Variants in WASHC1 observed in about 807,000 individuals in gnomAD.
WASHC1 encodes the protein CXYorf1-like protein on chromosome 9.
A neutral mutation model predicts 26.1 loss-of-function variants in WASHC1; 11 were observed. The observed-to-expected ratio is 0.42, with a 90% CI of 0.27 to 0.70. The LOEUF (loss-of-function observed/expected upper bound fraction) is 0.70. Among genes scored for constraint, WASHC1 ranks in the 30% least tolerant of loss-of-function variants. The probability of loss-of-function intolerance (pLI) is 0.24; values close to 1 mark genes in which losing one functional copy is unlikely to be tolerated. For synonymous variants in WASHC1, 37 were observed against 126.6 expected (o/e 0.29, Z 4.75); for missense variants, 96 against 304.9 (o/e 0.31, Z 5.10).
rs1156322904 is a variant in WASHC1, at chr9:14,541, G to C, written c.*266C>G. On this transcript the variant is annotated 3_prime_UTR_variant, in exon 11 of 11. Transcript: ENST00000442898. The stretch of plus-strand genomic sequence containing the variant: ...GTTTCTGCTCAGTTCTTTATTGATT[G>C]GTGTGCCGTTTTCTCTGGAAGCCTC... The C allele has an allele frequency of 5.5e-5, 33 of 598,486 alleles. No homozygotes were observed. The Middle Eastern group carries it at 1.4e-3, about 25-fold the overall frequency. 37.1% of individuals were successfully genotyped at this position (598,486 alleles called of 1,614,324 possible). A position where few individuals can be genotyped will look rare whatever the true frequency, so the allele number is the denominator to read the frequency against.
At chr9:14,834 CTCT>C in exon 11 of WASHC1, 1 of 1,503,472 alleles carries the variant, frequency 6.7e-7, no homozygotes, top group Non-Finnish European at 9.1e-7. Flanking sequence ...CCTCGTCCTC[CTCT>C]GCCTGTGGCT....
intron 1 of WASHC1, among the ~76,000 whole-genome samples, chr9:26,763 TA>T (rs1214338227): frequency 1.0e-4 from 1 of 9,582 alleles, no homozygotes; most frequent in East Asian, 4.9e-3. Context: ...GACACTACAC[TA>T]GCCAGGGAGA....
chr9:16,983 C>T (rs1816415401), exon 7 of WASHC1: 1 of 1,273,748 alleles, frequency 7.9e-7, no homozygotes, highest in South Asian at 1.3e-5. Flanking sequence ...AGAGGCTCGG[C>T]TACCTCAGTG....
At chr9:28,697 G>C (rs1476020019) in intron 1 of WASHC1, 1 of 101,938 alleles carries the variant, frequency 9.8e-6, no homozygotes, top group African/African-American at 4.5e-5. Flanking sequence ...CTTTAATAAT[G>C]GTGGGTTTTT....
chr9:28,724 A>C, intron 1 of WASHC1: 1 of 120,578 alleles, frequency 8.3e-6, no homozygotes, highest in Non-Finnish European at 1.7e-5. Context: ...TTTTGCATCT[A>C]TGAAGTTTTT....
At position 23,508 on chromosome 9, in the gene WASHC1, A is replaced by G. The variant is rs1262608641; in HGVS notation, c.149+1343T>C. On this transcript the variant is annotated intron_variant, in intron 2 of 10. Transcript: ENST00000442898. ...CTGGTTACTGAGACATTCTTGACAAACTCGGGGCAAGCCGGTGAGTCAGTG... is the reference window on the plus strand; with the variant it reads ...CTGGTTACTGAGACATTCTTGACAAGCTCGGGGCAAGCCGGTGAGTCAGTG... Among the ~76,000 whole-genome samples the G allele has an allele frequency of 4.4e-5, 5 of 114,928 alleles. 1 individual carries two copies. The East Asian group carries it at 1.1e-3, about 26-fold the overall frequency. The allele number at this position is 114,928 out of a possible 152,430, so 75.4% of individuals were successfully genotyped here. A position where few individuals can be genotyped will look rare whatever the true frequency, so the allele number is the denominator to read the frequency against.
At chr9:14,579 T>A in exon 11 of WASHC1, 1 of 728,130 alleles carries the variant, frequency 1.4e-6, no homozygotes, top group Non-Finnish European at 2.3e-6. Flanking sequence ...AAGAACACAG[T>A]GGCGCAGGCT....
chr9:17,889 T>C, intron 4 of WASHC1, 34 bp from the exon 5 acceptor site: 1 of 189,744 alleles, frequency 5.3e-6, no homozygotes, highest in African/African-American at 3.5e-4. Flanking sequence ...GGATGGTGAA[T>C]ATTTGGTGCT....
intron 7 of WASHC1, 42 bp from the exon 8 acceptor site, chr9:16,918 G>C (rs201794878): frequency 0.032 from 24,450 of 772,882 alleles, 442 homozygotes; most frequent in Non-Finnish European, 0.037. Flanking sequence ...GAAGGTGTGT[G>C]AGCAGGGAGG....
At chr9:20,663 A>G (rs1395126397) in intron 2 of WASHC1, among the ~76,000 whole-genome samples, 1 of 92,840 alleles carries the variant, frequency 1.1e-5, no homozygotes, top group Non-Finnish European at 1.9e-5. Flanking sequence ...ATTTACAAGG[A>G]AGAAATGTGA....
chr9:14,796 C>T (rs1207350055), exon 11 of WASHC1: 1 of 1,537,722 alleles, frequency 6.5e-7, no homozygotes, highest in Non-Finnish European at 8.9e-7. Context: ...GGGAAGGTGT[C>T]ATGGAGCCCC....
At chr9:17,134 C>A (rs1277503869) in exon 7 of WASHC1, 2 of 1,264,938 alleles carry the variant, frequency 1.6e-6, no homozygotes, top group Non-Finnish European at 2.1e-6. Flanking sequence ...GCACCTGGCC[C>A]AGGTCTGGCA....
chr9:29,647 T>C (rs1817611003), exon 1 of WASHC1: 4 of 149,850 alleles, frequency 2.7e-5, no homozygotes, highest in African/African-American at 1.0e-4. Context: ...GTGATCTGCT[T>C]AGTTCCCACC....
chr9:14,741 T>A (rs558641794), exon 11 of WASHC1: 183 of 1,446,626 alleles, frequency 1.3e-4, no homozygotes, highest in Middle Eastern at 7.5e-4. Context: ...CAGCTTGTCC[T>A]GGCTGTGTCC....
chr9:15,327 G>C (rs1401390536), intron 9 of WASHC1, among the ~76,000 whole-genome samples, 178 bp from the exon 10 acceptor site: 16 of 4,622 alleles, frequency 3.5e-3, no homozygotes, highest in African/African-American at 0.031. Flanking sequence ...GTGGCTGTTT[G>C]AGGAGCCACC....
chr9:22,277 T>C (rs1370584302), intron 2 of WASHC1, among the ~76,000 whole-genome samples: 5 of 146,432 alleles, frequency 3.4e-5, no homozygotes, highest in African/African-American at 1.4e-4. Context: ...GATGGGTGAG[T>C]GTGGCTTCTG....
exon 7 of WASHC1, chr9:17,052 G>C: frequency 6.7e-7 from 1 of 1,481,616 alleles, no homozygotes; most frequent in Non-Finnish European, 8.9e-7. Flanking sequence ...CCGGGGCCCA[G>C]GTCGGCACTG....
exon 11 of WASHC1, chr9:14,802 G>C (rs1816014479): frequency 6.5e-7 from 1 of 1,539,242 alleles, no homozygotes; most frequent in South Asian, 1.1e-5. Context: ...GTGTCATGGA[G>C]CCCCCTACGA....
chr9:14,768 C>A, exon 11 of WASHC1: 1 of 1,522,212 alleles, frequency 6.6e-7, no homozygotes, highest in South Asian at 1.1e-5. Flanking sequence ...GAGCAACGGC[C>A]CAAGTCTGGG....
Sources: allele counts gnomAD v4.1 joint callset (sites outside exome capture counted in the v4.1 genomes callset), GRCh38; gene constraint gnomAD v4.1.1; transcripts MANE v1.5; gene names NCBI Gene and HGNC (gene_info 2026-07-23, HGNC 2026-07-21).